Variants in TBC1D32 observed in about 807,000 individuals in gnomAD.
TBC1D32 encodes the protein TBC1 domain family member 32.
In TBC1D32, 151 loss-of-function variants were observed where a neutral mutation model predicts 170.3. The ratio of observed to expected loss-of-function variants is 0.89; its 90% CI spans 0.78 to 1.01. TBC1D32 has a LOEUF of 1.01. Ranked by LOEUF, TBC1D32 falls within the 50% of genes least tolerant of loss-of-function variation. TBC1D32 has a pLI of 0.00. For missense variants in TBC1D32, 1,464 were observed against 1,457.1 expected, an observed-to-expected ratio of 1.00 and a Z score of -0.08; for synonymous variants, 498 against 488.0, an observed-to-expected ratio of 1.02 and a Z score of -0.27.
In TBC1D32 at chr6:121,222,472, G is replaced by A. The variant is rs147838309; in HGVS notation, c.2481+764C>T. Among the ~76,000 whole-genome samples, 146 of 152,038 alleles carry A rather than the reference G, an allele frequency of 9.6e-4. No individual in the cohort carries two copies. In the East Asian group the frequency reaches 0.017, roughly 18 times the overall value. ...AGAAGTACCTATCTTTGTATTTCAC[G>A]TCATATAAGCTATTAAAAGTTTCCC... is the stretch of plus-strand genomic sequence containing the variant. On this transcript the variant is annotated intron_variant, in intron 21 of 31. Transcript: ENST00000398212.
intron 22 of TBC1D32, among the ~76,000 whole-genome samples, chr6:121,198,460 A>G (rs1791115197): frequency 6.7e-6 from 1 of 150,352 alleles, no homozygotes; most frequent in Non-Finnish European, 1.5e-5. Context: ...GTAGTCAGTA[A>G]AGAGTGACCG....
At chr6:121,234,663 T>C (rs1796126732) in intron 20 of TBC1D32, among the ~76,000 whole-genome samples, 2 of 152,180 alleles carry the variant, frequency 1.3e-5, no homozygotes, top group Non-Finnish European at 2.9e-5. Context: ...CATCTTTCTC[T>C]GATGACTCCT....
chr6:121,316,723 G>T (rs1808983249), intron 3 of TBC1D32, among the ~76,000 whole-genome samples: 3 of 152,034 alleles, frequency 2.0e-5, no homozygotes, highest in Non-Finnish European at 4.4e-5. Flanking sequence ...GTACATATTT[G>T]TTCATGTTTT....
At chr6:121,102,666 G>A (rs1391822774) in intron 30 of TBC1D32, among the ~76,000 whole-genome samples, 4 of 152,064 alleles carry the variant, frequency 2.6e-5, no homozygotes, top group Admixed American at 6.6e-5. Flanking sequence ...TACCATTCAG[G>A]ACATAGGCAT....
At chr6:121,211,428 A>T (rs534480600) in intron 21 of TBC1D32, among the ~76,000 whole-genome samples, 1 of 152,236 alleles carries the variant, frequency 6.6e-6, no homozygotes, top group Admixed American at 6.5e-5. Context: ...AGCAGTGTAC[A>T]CTGTACACAG....
intron 21 of TBC1D32, among the ~76,000 whole-genome samples, chr6:121,215,677 A>T (rs1225564265): frequency 6.6e-6 from 1 of 152,172 alleles, no homozygotes; most frequent in Non-Finnish European, 1.5e-5. Flanking sequence ...AATCCCATTA[A>T]AAGGTGGGCA....
chr6:121,240,357 A>AATTTT (rs1796800227), intron 19 of TBC1D32, among the ~76,000 whole-genome samples: 1 of 75,294 alleles, frequency 1.3e-5, no homozygotes, highest in Non-Finnish European at 2.4e-5. Flanking sequence ...GTTTAGGACA[A>AATTTT]TTTTTTTTTT....
At position 121,239,108 on chromosome 6, in the gene TBC1D32, T is replaced by G. The variant is rs1387995294; in HGVS notation, c.2326A>C (p.Thr776Pro). 6.2e-7 allele frequency: 1 copy of G among 1,604,902 alleles called. No homozygotes were observed. Reference sequence around the variant, plus strand: ...CGGTCAATAGGATCCACTGGAGTAGTTCTGGGATGGGTTACCCTAACATCA... The same window carrying G: ...CGGTCAATAGGATCCACTGGAGTAGGTCTGGGATGGGTTACCCTAACATCA... ...RDDVRVTHPR[T>P]TPVDPIDRSC... The change falls in exon 20 of 32, where the codon ACT (threonine) becomes CCT (proline). Residue 776 changes from threonine (T) to proline (P), a missense_variant. Around this residue, in one of 3 missense-constraint regions of TBC1D32, gnomAD observed 1,363 missense variants for 1,338.1 expected, o/e 1.02. Coordinates refer to ENST00000398212, the MANE Select transcript of TBC1D32 (RefSeq NM_152730.6).
At chr6:121,201,555 G>C (rs1791563780) in intron 22 of TBC1D32, among the ~76,000 whole-genome samples, 1 of 151,248 alleles carries the variant, frequency 6.6e-6, no homozygotes, top group South Asian at 2.1e-4. Flanking sequence ...CTTTACCTTA[G>C]AGGAATCTCT....
At chr6:121,256,805 G>A (rs905154157) in intron 15 of TBC1D32, among the ~76,000 whole-genome samples, 1 of 151,878 alleles carries the variant, frequency 6.6e-6, no homozygotes, top group African/African-American at 2.4e-5. Context: ...GAGTAGCTGG[G>A]ATTACAGGGG....
chr6:121,212,778 T>C (rs1345824400), intron 21 of TBC1D32, among the ~76,000 whole-genome samples: 2 of 152,102 alleles, frequency 1.3e-5, no homozygotes, highest in East Asian at 3.9e-4. Flanking sequence ...ATATCTTTGA[T>C]GAACTTGATG....
chr6:121,197,841 G>A (rs1790953579), intron 22 of TBC1D32, among the ~76,000 whole-genome samples: 1 of 152,144 alleles, frequency 6.6e-6, no homozygotes, highest in East Asian at 1.9e-4. Flanking sequence ...ATGCCTGTGA[G>A]GGTGCTGCCA....
intron 17 of TBC1D32, among the ~76,000 whole-genome samples, chr6:121,249,971 T>C (rs943087247): frequency 6.6e-5 from 10 of 150,422 alleles, no homozygotes; most frequent in Non-Finnish European, 1.2e-4. Flanking sequence ...TTCACAAAAC[T>C]AGAAAAAAAA....
At chr6:121,193,014 T>C (rs1384069004) in intron 22 of TBC1D32, among the ~76,000 whole-genome samples, 1 of 152,194 alleles carries the variant, frequency 6.6e-6, no homozygotes, top group African/African-American at 2.4e-5. Context: ...AGATTGAGAT[T>C]GTGACCCAAG....
chr6:121,153,324 T>C (rs1185808563), intron 24 of TBC1D32, among the ~76,000 whole-genome samples: 1 of 152,096 alleles, frequency 6.6e-6, no homozygotes, highest in Non-Finnish European at 1.5e-5. Context: ...CCATTGGAGG[T>C]TGCAGAACAG....
intron 29 of TBC1D32, 113 bp from the exon 30 acceptor site, chr6:121,106,276 AAATT>A (rs1778674742): frequency 2.0e-6 from 1 of 507,914 alleles, no homozygotes; most frequent in South Asian, 9.2e-5. Context: ...TGCTGCTTCA[AAATT>A]AATATGGTGG....
chr6:121,254,769 C>A (rs1009815314), intron 17 of TBC1D32, among the ~76,000 whole-genome samples: 23 of 152,046 alleles, frequency 1.5e-4, no homozygotes, highest in South Asian at 4.1e-4. Flanking sequence ...AGAACAGAAC[C>A]CAGAAAAACA....
At chr6:121,211,264 C>A (rs1489643460) in intron 21 of TBC1D32, among the ~76,000 whole-genome samples, 2 of 152,054 alleles carry the variant, frequency 1.3e-5, no homozygotes, top group Non-Finnish European at 2.9e-5. Flanking sequence ...GTATAGCAGG[C>A]TATATTTCAC....
intron 22 of TBC1D32, among the ~76,000 whole-genome samples, chr6:121,186,038 G>C (rs1789164746): frequency 6.6e-6 from 1 of 152,068 alleles, no homozygotes; most frequent in South Asian, 2.1e-4. Context: ...AGAGTAGAAG[G>C]GAAAATGATT....
Sources: gnomAD v4.1 joint callset for allele counts (sites outside exome capture counted in the v4.1 genomes callset) on GRCh38, gnomAD v4.1.1 for gene constraint, gnomAD v4.1.1 regional missense constraint, MANE v1.5 for transcripts, NCBI Gene and HGNC (gene_info 2026-07-23, HGNC 2026-07-21) for gene names.